Variants in DPP10 observed in about 807,000 individuals in gnomAD.
DPP10 encodes dipeptidyl peptidase like 10, also known as inactive dipeptidyl peptidase 10.
Under a neutral mutation model 120.9 loss-of-function variants are expected in DPP10, and 33 were observed. The ratio of observed to expected loss-of-function variants is 0.27; its 90% CI spans 0.21 to 0.37. DPP10 has a LOEUF of 0.37. Ranked by LOEUF, DPP10 falls within the 10% of genes least tolerant of loss-of-function variation. The pLI is 1.00. For missense variants in DPP10, 816 were observed against 942.8 expected (o/e 0.87, Z 1.76); for synonymous variants, 337 against 326.1 (o/e 1.03, Z -0.36).
chr2:115,126,403 C>CGCTTGTA, intron 1 of DPP10, among the ~76,000 whole-genome samples: 1 of 152,276 alleles, frequency 6.6e-6, no homozygotes, highest in East Asian at 1.9e-4. Flanking sequence ...CACCTGGCCA[C>CGCTTGTA]ATTTCAAGAT....
At chr2:115,281,762 TCCA>T (rs2060165568) in intron 1 of DPP10, among the ~76,000 whole-genome samples, 3 of 152,146 alleles carry the variant, frequency 2.0e-5, no homozygotes, top group Non-Finnish European at 4.4e-5. Context: ...TGATCAATAT[TCCA>T]CTGCAGAAAC....
chr2:114,885,501 T>TA (rs1691996828), intron 1 of DPP10, among the ~76,000 whole-genome samples: 1 of 152,170 alleles, frequency 6.6e-6, no homozygotes. Context: ...TCTAACTGTT[T>TA]AACACTTAAA....
At chr2:115,024,416 C>A (rs539941381) in intron 1 of DPP10, among the ~76,000 whole-genome samples, 1 of 151,768 alleles carries the variant, frequency 6.6e-6, no homozygotes. Context: ...TTTAATGATT[C>A]CAATTTATCT....
At chr2:115,643,079 T>C (rs1000346729) in intron 5 of DPP10, among the ~76,000 whole-genome samples, 15 of 152,044 alleles carry the variant, frequency 9.9e-5, no homozygotes, top group Admixed American at 3.3e-4. Flanking sequence ...AGAAATTCAA[T>C]GTAGCTCATT....
intron 1 of DPP10, among the ~76,000 whole-genome samples, chr2:114,866,573 A>G (rs1211922954): frequency 1.3e-5 from 2 of 152,210 alleles, no homozygotes; most frequent in Non-Finnish European, 2.9e-5. Flanking sequence ...TGGCTCTATG[A>G]GGTAAATATT....
intron 1 of DPP10, among the ~76,000 whole-genome samples, chr2:115,137,692 C>T (rs933670861): frequency 6.6e-6 from 1 of 152,106 alleles, no homozygotes; most frequent in African/African-American, 2.4e-5. Flanking sequence ...GAAATCATTC[C>T]CCAATGGGAG....
chr2:115,383,403 A>G (rs988995432), intron 3 of DPP10, among the ~76,000 whole-genome samples: 4 of 152,234 alleles, frequency 2.6e-5, no homozygotes, highest in Admixed American at 2.0e-4. Flanking sequence ...CTCCCCAGCC[A>G]TGTGGAACTG....
At position 115,105,877 on chromosome 2, in the gene DPP10, C is replaced by A. The variant is rs544177898; in HGVS notation, c.61-203362C>A. Among the ~76,000 whole-genome samples the A allele has an allele frequency of 9.7e-4, 148 of 152,258 alleles. 1 individual carries two copies. In the Middle Eastern group the frequency reaches 0.02, roughly 21 times the overall value. On this transcript the variant is annotated intron_variant, in intron 1 of 25. Coordinates refer to ENST00000410059, the MANE Select transcript of DPP10 (RefSeq NM_020868.6). ...AATTTTCAGTGATTATATTGAAAAT[C>A]ATGCAGGCAAAAGACTTCGAATAAA...
chr2:114,877,908 G>A (rs1022874133), intron 1 of DPP10, among the ~76,000 whole-genome samples: 1 of 151,976 alleles, frequency 6.6e-6, no homozygotes, highest in Admixed American at 6.6e-5. Context: ...TATTTAAGGA[G>A]AGAAATGTTA....
chr2:115,774,938 T>C (rs1477433939), intron 13 of DPP10, among the ~76,000 whole-genome samples: 1 of 152,130 alleles, frequency 6.6e-6, no homozygotes, highest in Non-Finnish European at 1.5e-5. Flanking sequence ...ATTACTCAGC[T>C]GACAGATTAC....
At chr2:115,783,525 A>G (rs1031351598) in intron 17 of DPP10, among the ~76,000 whole-genome samples, 6 of 152,196 alleles carry the variant, frequency 3.9e-5, no homozygotes, top group African/African-American at 9.6e-5. Context: ...ATATTGTTCA[A>G]ATAATGTCAT....
At chr2:114,606,898 A>G (rs1675305297) in intron 1 of DPP10, among the ~76,000 whole-genome samples, 1 of 152,120 alleles carries the variant, frequency 6.6e-6, no homozygotes, top group Non-Finnish European at 1.5e-5. Context: ...ATGGGACTAT[A>G]CTCTATAAAT....
intron 1 of DPP10, among the ~76,000 whole-genome samples, chr2:115,092,959 T>C (rs1396928): frequency 0.5 from 76,310 of 152,000 alleles, 19,652 homozygotes; most frequent in East Asian, 0.62. Context: ...TAAAATTCTG[T>C]TGTAGAAGTT....
At chr2:114,582,380 T>C (rs1212144135) in intron 1 of DPP10, among the ~76,000 whole-genome samples, 1 of 152,240 alleles carries the variant, frequency 6.6e-6, no homozygotes, top group Non-Finnish European at 1.5e-5. Context: ...TGGGAAATTA[T>C]GAATAAAGCT....
At chr2:115,397,450 C>CA (rs2067763704) in intron 3 of DPP10, among the ~76,000 whole-genome samples, 1 of 152,078 alleles carries the variant, frequency 6.6e-6, no homozygotes, top group Admixed American at 6.6e-5. Context: ...GATAGTGTGC[C>CA]ATAGTCATAT....
At chr2:115,482,841 T>A (rs2075523214) in intron 3 of DPP10, among the ~76,000 whole-genome samples, 1 of 152,044 alleles carries the variant, frequency 6.6e-6, no homozygotes, top group South Asian at 2.1e-4. Flanking sequence ...CTTCTTATTT[T>A]TTCTTTTCAT....
chr2:114,722,268 C>G (rs1701744753), intron 1 of DPP10, among the ~76,000 whole-genome samples: 1 of 152,162 alleles, frequency 6.6e-6, no homozygotes, highest in Admixed American at 6.5e-5. Context: ...TAGACTAGCA[C>G]TACACTATTT....
chr2:114,639,662 A>C (rs1017854726), intron 1 of DPP10, among the ~76,000 whole-genome samples: 1 of 151,954 alleles, frequency 6.6e-6, no homozygotes, highest in South Asian at 2.1e-4. Context: ...AGTTGAAATT[A>C]TATTAAAAAT....
intron 1 of DPP10, among the ~76,000 whole-genome samples, chr2:114,742,322 G>A (rs1354226064): frequency 3.3e-5 from 5 of 151,774 alleles, no homozygotes; most frequent in African/African-American, 1.2e-4. Context: ...AAATTAAAAA[G>A]GAAAAAGAAA....
Sources: gnomAD v4.1 joint callset for allele counts (sites outside exome capture counted in the v4.1 genomes callset) on GRCh38, gnomAD v4.1.1 for gene constraint, MANE v1.5 for transcripts, NCBI Gene and HGNC (gene_info 2026-07-23, HGNC 2026-07-21) for gene names.